LIMCH1: variants seen among roughly 807,000 people sequenced by gnomAD.
LIMCH1 encodes the protein LIM and calponin homology domains-containing protein 1.
LIMCH1 carries 113 observed loss-of-function variants against 176.5 expected under a neutral mutation model. That is an observed-to-expected ratio of 0.64 (90% CI 0.55 to 0.75). The LOEUF (loss-of-function observed/expected upper bound fraction) is 0.75, where lower values mean the gene tolerates loss of function less well. LIMCH1 is among the 30% of genes least tolerant of loss of function. LIMCH1 has a pLI of 0.00. For missense variants in LIMCH1, 1,674 were observed against 1,814.9 expected (o/e 0.92, Z 1.41); for synonymous variants, 619 against 645.9 (o/e 0.96, Z 0.63).
chr4:41,554,187 TC>T, intron 1 of LIMCH1, among the ~76,000 whole-genome samples: 1 of 152,246 alleles, frequency 6.6e-6, no homozygotes, highest in East Asian at 1.9e-4. Context: ...TAATAGATCT[TC>T]CACTGTTTCT....
chr4:41,568,344 A>G (rs183135366), intron 1 of LIMCH1, among the ~76,000 whole-genome samples: 1 of 152,224 alleles, frequency 6.6e-6, no homozygotes, highest in East Asian at 1.9e-4. Context: ...ACAAAAAGTT[A>G]TCAAGGTCCA....
intron 21 of LIMCH1, chr4:41,670,819 T>G (rs2094990923): frequency 6.5e-7 from 1 of 1,534,920 alleles, no homozygotes; most frequent in Non-Finnish European, 8.7e-7. Flanking sequence ...GTAGCTGTAT[T>G]TCTTTTGTGC....
intron 1 of LIMCH1, among the ~76,000 whole-genome samples, chr4:41,470,476 T>C (rs1046673862): frequency 6.6e-6 from 1 of 152,196 alleles, no homozygotes; most frequent in Non-Finnish European, 1.5e-5. Flanking sequence ...ATTCCTTTAG[T>C]ATGTGCCCTC....
chr4:41,621,538 G>A (rs1227287898), intron 7 of LIMCH1, among the ~76,000 whole-genome samples: 3 of 148,116 alleles, frequency 2.0e-5, no homozygotes, highest in South Asian at 2.1e-4. Flanking sequence ...GTCTCACTCC[G>A]TCACCCAAGC....
At chr4:41,662,508 T>C (rs914630221) in intron 19 of LIMCH1, among the ~76,000 whole-genome samples, 1 of 152,224 alleles carries the variant, frequency 6.6e-6, no homozygotes, top group African/African-American at 2.4e-5. Flanking sequence ...GTCATAATTA[T>C]ATATTTCGTG....
chr4:41,527,197 C>T (rs1054234979), intron 3 of LIMCH1, among the ~76,000 whole-genome samples: 5 of 152,042 alleles, frequency 3.3e-5, no homozygotes, highest in Non-Finnish European at 4.4e-5. Context: ...GAGAATATCC[C>T]CTGGTATAGG....
intron 1 of LIMCH1, among the ~76,000 whole-genome samples, chr4:41,402,746 T>C (rs1374767219): frequency 6.9e-6 from 1 of 144,272 alleles, no homozygotes; most frequent in South Asian, 2.2e-4. Context: ...AAACACCGCA[T>C]GTTCTCACTC....
intron 7 of LIMCH1, among the ~76,000 whole-genome samples, chr4:41,624,323 A>G (rs2092792600): frequency 6.6e-6 from 1 of 151,920 alleles, no homozygotes; most frequent in African/African-American, 2.4e-5. Context: ...GCGTAAAAAA[A>G]CCTCCGAGGA....
chr4:41,556,041 G>A (rs913919749), intron 1 of LIMCH1, among the ~76,000 whole-genome samples: 1 of 151,978 alleles, frequency 6.6e-6, no homozygotes, highest in Non-Finnish European at 1.5e-5. Flanking sequence ...CACCACACCT[G>A]GCCAGTAATT....
At chr4:41,361,241 G>A (rs76189867) in intron 1 of LIMCH1, among the ~76,000 whole-genome samples, 2,146 of 152,346 alleles carry the variant, frequency 0.014, 49 homozygotes, top group African/African-American at 0.048. Flanking sequence ...AGCTAGCGCC[G>A]CTTCCAGGCG....
At chr4:41,647,786 T>G (rs1000186679) in intron 17 of LIMCH1, among the ~76,000 whole-genome samples, 1 of 152,260 alleles carries the variant, frequency 6.6e-6, no homozygotes, top group Non-Finnish European at 1.5e-5. Context: ...CCACACTTTC[T>G]GACTTTTGCT....
intron 1 of LIMCH1, among the ~76,000 whole-genome samples, chr4:41,472,762 C>G (rs1415992805): frequency 6.6e-6 from 1 of 152,138 alleles, no homozygotes; most frequent in East Asian, 1.9e-4. Flanking sequence ...CTTGGTTAGA[C>G]AGATTGGGAA....
At chr4:41,528,289 T>C (rs2076900024) in intron 3 of LIMCH1, among the ~76,000 whole-genome samples, 1 of 152,110 alleles carries the variant, frequency 6.6e-6, no homozygotes, top group African/African-American at 2.4e-5. Context: ...TGTCTCTAGA[T>C]AAAGGGCGTA....
At chr4:41,609,551 G>A (rs2091172193) in intron 4 of LIMCH1, 3 of 434,798 alleles carry the variant, frequency 6.9e-6, no homozygotes, top group African/African-American at 2.0e-5. Context: ...AGCAGAAAAT[G>A]TTGAGCAGTA....
rs143608394 is a variant in LIMCH1 at position 41,597,898 on chromosome 4, T to C, written c.-240-1022T>C. Among the ~76,000 whole-genome samples, 8 of 152,304 alleles carry C rather than the reference T, an allele frequency of 5.3e-5. 1 individual carries two copies. Among genetic ancestry groups the C allele is most frequent in the African/African-American group, 1.9e-4 (8 of 41,564 alleles). On this transcript the variant is annotated intron_variant, in intron 1 of 31. Coordinates refer to ENST00000503057, the MANE Select transcript of LIMCH1 (RefSeq NM_001330672.2). Reference sequence around the variant, plus strand: ...CTTAGAATCCTGACTGCAAACTGGGTAACTGGAAATATTCTCTGTTCACTA... The same window carrying C: ...CTTAGAATCCTGACTGCAAACTGGGCAACTGGAAATATTCTCTGTTCACTA...
At chr4:41,634,645 T>A (rs2093487641) in intron 13 of LIMCH1, among the ~76,000 whole-genome samples, 1 of 152,232 alleles carries the variant, frequency 6.6e-6, no homozygotes, top group Non-Finnish European at 1.5e-5. Context: ...CTAGCACTGT[T>A]TTCAGGGAGC....
intron 2 of LIMCH1, among the ~76,000 whole-genome samples, chr4:41,512,434 A>G (rs2075041032): frequency 6.6e-6 from 1 of 152,250 alleles, no homozygotes. Flanking sequence ...ACACACATCC[A>G]CACAAAATCT....
At chr4:41,670,932 C>A (rs138034085) in intron 21 of LIMCH1, 9 of 1,390,202 alleles carry the variant, frequency 6.5e-6, no homozygotes, top group South Asian at 1.7e-5. Context: ...AGAGCTAGTT[C>A]TTTTATATTA....
chr4:41,398,373 C>G (rs778946333), intron 1 of LIMCH1, among the ~76,000 whole-genome samples: 7 of 152,122 alleles, frequency 4.6e-5, no homozygotes, highest in Admixed American at 2.6e-4. Flanking sequence ...AGACTGTGGG[C>G]TCATCAATTT....
Sources: allele counts gnomAD v4.1 joint callset (sites outside exome capture counted in the v4.1 genomes callset), GRCh38; gene constraint gnomAD v4.1.1; transcripts MANE v1.5; gene names NCBI Gene and HGNC (gene_info 2026-07-23, HGNC 2026-07-21).